The following PDIA4 variants were observed in gnomAD, a reference collection of about 807,000 sequenced individuals.
PDIA4 encodes the protein protein disulfide-isomerase A4.
In PDIA4, 33 loss-of-function variants were observed where a neutral mutation model predicts 62.1. The ratio of observed to expected loss-of-function variants is 0.53; its 90% CI spans 0.40 to 0.71. The LOEUF (loss-of-function observed/expected upper bound fraction) is 0.71. Ranked by LOEUF, PDIA4 falls within the 30% of genes least tolerant of loss-of-function variation. PDIA4 has a pLI of 0.00. For missense variants in PDIA4, 804 were observed against 813.6 expected (o/e 0.99, Z 0.14); for synonymous variants, 341 against 324.1 (o/e 1.05, Z -0.56).
intron 6 of PDIA4, among the ~76,000 whole-genome samples, chr7:149,009,888 G>T (rs2129504347): frequency 6.6e-6 from 1 of 152,306 alleles, no homozygotes. Context: ...CCTCCTCAAG[G>T]CATCCAAACT....
chr7:149,022,572 T>C (rs546140355), intron 1 of PDIA4, among the ~76,000 whole-genome samples: 10 of 152,132 alleles, frequency 6.6e-5, no homozygotes, highest in Non-Finnish European at 1.3e-4. Flanking sequence ...TTTCTGGAGA[T>C]GTGTTTTCCA....
At position 149,020,635 on chromosome 7, in the gene PDIA4, A is replaced by G. The variant is rs201002759; in HGVS notation, c.269+332T>C. Among the ~76,000 whole-genome samples the G allele has an allele frequency of 4.6e-5, 7 of 152,220 alleles. No homozygotes were observed. The East Asian group carries it at 9.6e-4, about 21-fold the overall frequency. On this transcript the variant is annotated intron_variant, in intron 2 of 9. Transcript: ENST00000652332. The stretch of plus-strand genomic sequence containing the variant: ...CCTGAGACAGGTCGGAGCAGAATCT[A>G]TAACAAGGACGTGTCTGTTACCAAC...
Position 149,014,953 on chromosome 7 carries a change from C to A in PDIA4, c.565G>T (p.Glu189Ter), listed in dbSNP as rs1303416868. The A allele has an allele frequency of 6.2e-7, 1 of 1,614,168 alleles. No individual in the cohort carries two copies. The highest frequency in any genetic ancestry group is 8.5e-7 in the Non-Finnish European group (1 of 1,179,980). ...TLVLTKENFD[E>*]VVNDADIILV... ...ATGATATCTGCATCATTCACAACTT[C>A]ATCAAAGTTCTCTTTGGTCAACACA... Residue 189 changes from glutamate to a stop codon, truncating the protein, a stop_gained, in exon 4 of 10, where the codon GAA (glutamate) becomes TAA (stop). Transcript: ENST00000652332. LOFTEE classifies it high-confidence loss of function.
intron 2 of PDIA4, 21 bp from the exon 3 acceptor site, chr7:149,019,218 G>A: frequency 6.5e-7 from 1 of 1,536,980 alleles, no homozygotes; most frequent in Non-Finnish European, 9.0e-7. Context: ...GATTAGGAAG[G>A]GCAAAAAACG....
intron 6 of PDIA4, among the ~76,000 whole-genome samples, chr7:149,009,683 ACCATGTGGTCTGTC>A (rs1413792670): frequency 2.6e-5 from 4 of 152,202 alleles, no homozygotes; most frequent in Non-Finnish European, 4.4e-5. Context: ...GGCTCTAAGG[ACCATGTGGTCTGTC>A]CCAGCTGCTT....
rs2129503769 is a variant in PDIA4, at chr7:149,005,325, AG to A, written c.1337del (p.Pro446LeufsTer17). Reference sequence around the variant, plus strand: ...CGTCCGCAATGGCAAAGGTGTACTCAGGGAAGTCCTTGGCCACCTCTAGGAC... The same window carrying A: ...CGTCCGCAATGGCAAAGGTGTACTCAGGAAGTCCTTGGCCACCTCTAGGAC... ...SKVLEVAKDF[P>X]EYTFAIADEE... is the part of the protein sequence containing the mutation. On this transcript the variant is annotated frameshift_variant, in exon 9 of 10. Transcript: ENST00000652332. LOFTEE classifies it high-confidence loss of function. 6.2e-7 allele frequency: 1 copy of A among 1,614,130 alleles called. No individual in the cohort carries two copies. The highest frequency in any genetic ancestry group is 8.5e-7 in the Non-Finnish European group (1 of 1,180,020).
intron 6 of PDIA4, among the ~76,000 whole-genome samples, chr7:149,010,033 G>C (rs1268421350): frequency 2.0e-5 from 3 of 152,138 alleles, no homozygotes; most frequent in Admixed American, 2.0e-4. Flanking sequence ...TTTTTGGGAG[G>C]GCAGGGGATG....
At chr7:149,007,363 A>T (rs1026135207) in intron 7 of PDIA4, among the ~76,000 whole-genome samples, 1 of 152,158 alleles carries the variant, frequency 6.6e-6, no homozygotes, top group African/African-American at 2.4e-5. Flanking sequence ...CAGGGTCCTG[A>T]CACTATGGGC....
At chr7:149,005,012 G>A (rs558218424) in intron 9 of PDIA4, 129 bp downstream of exon 9, 2 of 726,486 alleles carry the variant, frequency 2.8e-6, no homozygotes, top group East Asian at 2.5e-5. Flanking sequence ...GGGGGTGAGA[G>A]AGGACTGCTG....
chr7:149,019,767 T>C (rs1441072320), intron 2 of PDIA4, among the ~76,000 whole-genome samples: 1 of 152,186 alleles, frequency 6.6e-6, no homozygotes, highest in Admixed American at 6.5e-5. Context: ...TCAGAGATCA[T>C]GCCATTGCAT....
chr7:149,005,789 G>T, intron 8 of PDIA4, 108 bp downstream of exon 8: 1 of 898,140 alleles, frequency 1.1e-6, no homozygotes, highest in Non-Finnish European at 1.6e-6. Flanking sequence ...TGGGATTTCT[G>T]AGTGAGCCAT....
chr7:149,023,013 G>C (rs759774829), intron 1 of PDIA4, among the ~76,000 whole-genome samples: 3 of 152,182 alleles, frequency 2.0e-5, no homozygotes, highest in Non-Finnish European at 4.4e-5. Flanking sequence ...GGGAGAAAGA[G>C]CTCTAAAATG....
At chr7:149,004,270 GCT>G in intron 9 of PDIA4, 61 bp from the exon 10 acceptor site, 1 of 1,510,502 alleles carries the variant, frequency 6.6e-7, no homozygotes, top group South Asian at 1.3e-5. Flanking sequence ...GATTCTGGGG[GCT>G]CTCTCTGGAC....
Position 149,028,405 on chromosome 7 carries a change from T to A in PDIA4, c.4A>T (p.Arg2Trp). 1 of 1,511,722 alleles carries A rather than the reference T, an allele frequency of 6.6e-7. No homozygotes were observed. Among genetic ancestry groups the A allele is most frequent in the East Asian group, 2.7e-5 (1 of 36,674 alleles). The allele number at this position is 1,511,722 out of a possible 1,614,324, so 93.6% of individuals were successfully genotyped here. A position where few individuals can be genotyped will look rare whatever the true frequency, so the allele number is the denominator to read the frequency against. Residue 2 changes from arginine to tryptophan, a missense_variant, in exon 1 of 10, where the codon AGG becomes TGG. By Grantham distance (101) the Arg-to-Trp change is moderately radical. Transcript: ENST00000652332. Reference sequence around the variant, plus strand: ...AGGAGCAGGAAGGCTTTCCGGGGCCTCATGGTAGCGGGGGCGGAGCGCGGC... The same window carrying A: ...AGGAGCAGGAAGGCTTTCCGGGGCCACATGGTAGCGGGGGCGGAGCGCGGC... The part of the protein sequence containing the change: M[R>W]PRKAFLLLLL...
At chr7:149,006,143 G>T in intron 7 of PDIA4, 90 bp from the exon 8 acceptor site, 3 of 1,360,242 alleles carry the variant, frequency 2.2e-6, no homozygotes, top group Non-Finnish European at 9.7e-7. Context: ...GGGGAGTGGC[G>T]ACTTTGAAGG....
In PDIA4 at chr7:149,005,937, G is replaced by A. The variant is rs540504893; in HGVS notation, c.1248C>T (p.Val416=). 19 of 1,532,344 alleles carry A rather than the reference G, an allele frequency of 1.2e-5. No individual in the cohort carries two copies. Among genetic ancestry groups the A allele is most frequent in the African/African-American group, 4.3e-5 (3 of 69,032 alleles). The allele number at this position is 1,532,344 out of a possible 1,614,324, so 94.9% of individuals were successfully genotyped here. A position where few individuals can be genotyped will look rare whatever the true frequency, so the allele number is the denominator to read the frequency against. The part of the protein sequence containing the change: ...AKRYTRRPLV[V]VYYSVDFSFD... ...AGCTGAAGTCCACACTGTAGTAGACGACCACCAGGGGGCGCCTGGTGTAGC... is the reference window on the plus strand; with the variant it reads ...AGCTGAAGTCCACACTGTAGTAGACAACCACCAGGGGGCGCCTGGTGTAGC... Residue 416 remains valine (V), a synonymous_variant, in exon 8 of 10, where the codon GTC becomes GTT. Transcript: ENST00000652332.
rs1432926934 is a variant in PDIA4 at position 149,014,328 on chromosome 7, C to T, written c.614+576G>A. 2.0e-5 allele frequency among the ~76,000 whole-genome samples: 3 copies of T among 152,116 alleles called. No homozygotes were observed. The East Asian group carries it at 5.8e-4, about 29-fold the overall frequency. On this transcript the variant is annotated intron_variant, in intron 4 of 9. Coordinates refer to ENST00000652332, the MANE Select transcript of PDIA4 (RefSeq NM_004911.5). ...CCCTACAGAACACACCCATCTGAGGCGGTTCTTGGTGGCCTGATGGTCAGA... is the reference window on the plus strand; with the variant it reads ...CCCTACAGAACACACCCATCTGAGGTGGTTCTTGGTGGCCTGATGGTCAGA...
rs760330554 is a variant in PDIA4, at chr7:149,005,325, A to G, written c.1338T>C (p.Pro446=). The G allele has an allele frequency of 6.2e-7, 1 of 1,614,012 alleles. No individual in the cohort carries two copies. The highest frequency in any genetic ancestry group is 1.7e-5 in the Admixed American group (1 of 59,990). Residue 446 remains proline (P), a synonymous_variant, in exon 9 of 10, where the codon CCT becomes CCC. Coordinates refer to ENST00000652332, the MANE Select transcript of PDIA4 (RefSeq NM_004911.5). ...CGTCCGCAATGGCAAAGGTGTACTC[A>G]GGGAAGTCCTTGGCCACCTCTAGGA... ...SKVLEVAKDF[P]EYTFAIADEE...
chr7:149,024,449 A>G (rs1271586340), intron 1 of PDIA4, among the ~76,000 whole-genome samples: 1 of 152,120 alleles, frequency 6.6e-6, no homozygotes, highest in East Asian at 1.9e-4. Flanking sequence ...CAAGCAAAAC[A>G]GTCCACATTT....
Sources: allele counts gnomAD v4.1 joint callset (sites outside exome capture counted in the v4.1 genomes callset), GRCh38; gene constraint gnomAD v4.1.1; transcripts MANE v1.5; gene names NCBI Gene and HGNC (gene_info 2026-07-23, HGNC 2026-07-21).